ITFG2: variants seen among roughly 807,000 people sequenced by gnomAD.
The protein encoded by ITFG2 is integrin alpha FG-GAP repeat containing 2.
Under a neutral mutation model 54.4 loss-of-function variants are expected in ITFG2, and 36 were observed. That is an observed-to-expected ratio of 0.66 (90% CI 0.51 to 0.87). ITFG2 has a LOEUF of 0.87. Among genes scored for constraint, ITFG2 ranks in the 40% least tolerant of loss-of-function variants. The pLI, the probability that ITFG2 is intolerant of heterozygous loss-of-function variation, is 0.00. For synonymous variants in ITFG2, 211 were observed against 225.4 expected, an observed-to-expected ratio of 0.94 and a Z score of 0.57; for missense variants, 524 against 576.7, an observed-to-expected ratio of 0.91 and a Z score of 0.94.
At chr12:2,819,289 C>G (rs973496489) in intron 4 of ITFG2, among the ~76,000 whole-genome samples, 2 of 151,928 alleles carry the variant, frequency 1.3e-5, no homozygotes, top group Admixed American at 1.3e-4. Context: ...ACAGTGAAAC[C>G]CCGTCTCTAC....
upstream of ITFG2, chr12:2,834,753 G>A (rs139099727): frequency 6.2e-7 from 1 of 1,613,946 alleles, no homozygotes; most frequent in Non-Finnish European, 8.5e-7. Flanking sequence ...GGCTCAGGTG[G>A]GCTCGGTCTC....
chr12:2,818,942 C>T lies in ITFG2; in HGVS notation c.406+665C>T, dbSNP rs1195294495. 5.3e-5 allele frequency among the ~76,000 whole-genome samples: 8 copies of T among 151,904 alleles called. No individual in the cohort carries two copies. In the East Asian group the frequency reaches 1.2e-3, roughly 22 times the overall value. On this transcript the variant is annotated intron_variant, in intron 4 of 11. Transcript: ENST00000228799. ...CTGAGGCAGGAGAATCGCTTGAACCCGGGAGACGGATGTTGCAGTGACCCA... is the reference window on the plus strand; with the variant it reads ...CTGAGGCAGGAGAATCGCTTGAACCTGGGAGACGGATGTTGCAGTGACCCA...
At chr12:2,825,757 C>G (rs1411538397), downstream of ITFG2, 1 of 152,346 alleles carries the variant, frequency 6.6e-6, no homozygotes, top group East Asian at 1.9e-4. Flanking sequence ...CTGTCTTTCT[C>G]TGCTCCTTTT....
downstream of ITFG2, chr12:2,827,773 C>T (rs886926037): frequency 2.5e-6 from 4 of 1,608,208 alleles, no homozygotes; most frequent in Non-Finnish European, 1.7e-6. This position sits in a 1 kb window ranked among gnomAD's most constrained non-coding sequence, Gnocchi z 4.0. Flanking sequence ...CCACCCCATC[C>T]CCAGATCCGA....
chr12:2,854,907 C>T (rs978354296), intron 2 of ITFG2: 19 of 1,533,764 alleles, frequency 1.2e-5, no homozygotes, highest in East Asian at 7.3e-5. Context: ...TCTTGAAGCT[C>T]GCTGGCGGCT....
intron 1 of ITFG2, among the ~76,000 whole-genome samples, chr12:2,816,172 A>G (rs2097920975): frequency 6.6e-6 from 1 of 151,562 alleles, no homozygotes. Context: ...CTGGGATTAC[A>G]GGTGTGTACC....
At chr12:2,832,819 C>T (rs573673402), upstream of ITFG2, among the ~76,000 whole-genome samples, 1 of 150,544 alleles carries the variant, frequency 6.6e-6, no homozygotes, top group African/African-American at 2.4e-5. Flanking sequence ...TCCACCTGCC[C>T]TCTCTCCTTG....
intron 2 of ITFG2, among the ~76,000 whole-genome samples, chr12:2,841,814 G>A (rs1055112359): frequency 9.9e-5 from 15 of 151,848 alleles, no homozygotes; most frequent in Non-Finnish European, 1.8e-4. Context: ...CGCCTCCTGG[G>A]TTCAAGTGAT....
intron 1 of ITFG2, among the ~76,000 whole-genome samples, chr12:2,839,454 T>G (rs2098035912): frequency 6.6e-6 from 1 of 152,156 alleles, no homozygotes; most frequent in Non-Finnish European, 1.5e-5. Context: ...ACTTGGAAAA[T>G]GTCTGTTATT....
intron 2 of ITFG2, chr12:2,854,774 T>C (rs2098081932): frequency 9.8e-7 from 1 of 1,017,060 alleles, no homozygotes; most frequent in Non-Finnish European, 1.4e-6. Context: ...GAAAAGAGTT[T>C]GGTTTTCAGA....
In ITFG2 at chr12:2,820,238, C is replaced by T. The variant is rs764126565; in HGVS notation, c.546+13C>T. 6.4e-7 allele frequency: 1 copy of T among 1,572,438 alleles called. No homozygotes were observed. The highest frequency in any genetic ancestry group is 8.6e-7 in the Non-Finnish European group (1 of 1,160,020). ...GCTGGAGGGTCAGGTAAGAAGCTGA[C>T]TCTGGGGAACAAGGCCCCAGGGAGC... On this transcript the variant is annotated intron_variant, in intron 5 of 11. Coordinates refer to ENST00000228799, the MANE Select transcript of ITFG2 (RefSeq NM_018463.4).
chr12:2,822,914 G>A lies in ITFG2; in HGVS notation c.1066+3G>A, dbSNP rs1219181179. 3 of 1,611,408 alleles carry A rather than the reference G, an allele frequency of 1.9e-6. No homozygotes were observed. Among genetic ancestry groups the A allele is most frequent in the East Asian group, 2.2e-5 (1 of 44,878 alleles). On this transcript the variant is annotated splice_donor_region_variant and intron_variant, in intron 10 of 11. Coordinates refer to ENST00000228799, the MANE Select transcript of ITFG2 (RefSeq NM_018463.4). ...AAATATCCGTGCCTTCTGTGCAGGT[G>A]ACCCCCGCCCCCATGGCCCCTTTCT...
downstream of ITFG2, among the ~76,000 whole-genome samples, chr12:2,829,615 G>A (rs2097989759): frequency 6.6e-6 from 1 of 151,624 alleles, no homozygotes; most frequent in African/African-American, 2.4e-5. Flanking sequence ...TACAAAAAAA[G>A]AATTAGCCAG....
intron 1 of ITFG2, among the ~76,000 whole-genome samples, chr12:2,815,077 G>T (rs1012581401): frequency 3.3e-5 from 5 of 151,722 alleles, no homozygotes; most frequent in Admixed American, 6.6e-5. Flanking sequence ...AGGTTCAAGC[G>T]AACCTTGGCC....
upstream of ITFG2, chr12:2,835,014 C>T: frequency 2.6e-6 from 4 of 1,522,820 alleles, no homozygotes; most frequent in Non-Finnish European, 3.5e-6. Context: ...CTCCAATTTC[C>T]CGAGATTGCT....
At chr12:2,830,489 G>A (rs2097995864) in intron 2 of ITFG2, 1 of 495,724 alleles carries the variant, frequency 2.0e-6, no homozygotes, top group South Asian at 3.5e-5. Context: ...CCAAGGAAGG[G>A]GGGCAGAGTA....
chr12:2,854,415 C>T (rs2098080889), intron 2 of ITFG2, among the ~76,000 whole-genome samples: 1 of 152,234 alleles, frequency 6.6e-6, no homozygotes, highest in Non-Finnish European at 1.5e-5. Context: ...CTCCCCCCTT[C>T]ATCGGTGAGG....
intron 2 of ITFG2, among the ~76,000 whole-genome samples, chr12:2,851,468 G>A (rs542236581): frequency 6.1e-4 from 91 of 148,066 alleles, no homozygotes; most frequent in African/African-American, 2.2e-3. Context: ...TCAGCCTCCC[G>A]AGTAGCTGGG....
chr12:2,857,064 G>A (rs1340662613), intron 2 of ITFG2: 6 of 702,696 alleles, frequency 8.5e-6, no homozygotes, highest in Non-Finnish European at 1.6e-5. Context: ...CGGCTTTGTG[G>A]GGAAGCCCTT....
Sources: allele counts gnomAD v4.1 joint callset (sites outside exome capture counted in the v4.1 genomes callset), GRCh38; gene constraint gnomAD v4.1.1; non-coding constraint Gnocchi (gnomAD v3.1); transcripts MANE v1.5; gene names NCBI Gene and HGNC (gene_info 2026-07-23, HGNC 2026-07-21).